RBM19: variants seen among roughly 807,000 people sequenced by gnomAD.
RBM19 encodes the protein probable RNA-binding protein 19.
RBM19 carries 94 observed loss-of-function variants against 116.8 expected under a neutral mutation model. The observed-to-expected ratio is 0.80, with a 90% confidence interval of 0.68 to 0.95. The LOEUF is 0.95. Ranked by LOEUF, RBM19 falls within the 40% of genes least tolerant of loss-of-function variation. RBM19 has a pLI of 0.00. For missense variants in RBM19, 1,161 were observed against 1,220.7 expected (o/e 0.95, Z 0.73); for synonymous variants, 475 against 494.1 (o/e 0.96, Z 0.51).
chr12:113,962,500 G>C, intron 1 of RBM19, 86 bp from the exon 2 acceptor site: 1 of 1,359,172 alleles, frequency 7.4e-7, no homozygotes, highest in Admixed American at 1.9e-5. Context: ...GAGGCCACGA[G>C]ATTCTCCAAG....
At chr12:113,883,583 T>G (rs2135792691) in intron 21 of RBM19, among the ~76,000 whole-genome samples, 1 of 152,386 alleles carries the variant, frequency 6.6e-6, no homozygotes. Flanking sequence ...AACCAGTGAT[T>G]CCACAATAGT....
intron 7 of RBM19, among the ~76,000 whole-genome samples, chr12:113,953,756 T>C (rs1368299205): frequency 1.3e-5 from 2 of 152,260 alleles, no homozygotes; most frequent in Admixed American, 1.3e-4. Context: ...AGAATATTTA[T>C]CTGGAGCAAA....
At chr12:113,944,633 G>A (rs1339454739) in intron 13 of RBM19, among the ~76,000 whole-genome samples, 1 of 151,858 alleles carries the variant, frequency 6.6e-6, no homozygotes, top group Non-Finnish European at 1.5e-5. Context: ...CCCCATCTCT[G>A]CAAAACTAAA....
At chr12:113,946,534 T>A in intron 11 of RBM19, 59 bp from the exon 12 acceptor site, 8 of 1,608,742 alleles carry the variant, frequency 5.0e-6, no homozygotes, top group Non-Finnish European at 6.8e-6. Context: ...CCCTGCTTCC[T>A]GCCGAAGGAT....
At chr12:113,920,475 A>C in intron 19 of RBM19, 136 bp downstream of exon 19, 10 of 793,286 alleles carry the variant, frequency 1.3e-5, no homozygotes, top group East Asian at 4.9e-5. Context: ...ACAGTCCCGT[A>C]GAGATCTGGG....
At chr12:113,840,997 T>C (rs1876423024) in intron 23 of RBM19, among the ~76,000 whole-genome samples, 1 of 152,176 alleles carries the variant, frequency 6.6e-6, no homozygotes, top group Non-Finnish European at 1.5e-5. Context: ...CCCGTGGCAC[T>C]GGGGAAGGGT....
chr12:113,861,700 T>C (rs1488681329), intron 21 of RBM19, among the ~76,000 whole-genome samples: 2 of 151,752 alleles, frequency 1.3e-5, no homozygotes, highest in Non-Finnish European at 2.9e-5. Context: ...AATTAAAAGG[T>C]AGAGAAAAAC....
intron 21 of RBM19, among the ~76,000 whole-genome samples, chr12:113,865,403 A>T (rs575979400): frequency 6.6e-4 from 101 of 152,292 alleles, no homozygotes; most frequent in Non-Finnish European, 1.3e-3. Flanking sequence ...TGCCTGTCAC[A>T]TCTGAGCACT....
At chr12:113,856,715 G>T (rs533872604) in intron 22 of RBM19, among the ~76,000 whole-genome samples, 2 of 152,160 alleles carry the variant, frequency 1.3e-5, no homozygotes, top group Non-Finnish European at 2.9e-5. Flanking sequence ...CAAATAAGAA[G>T]GGGAACACCC....
At position 113,828,236 on chromosome 12, in the gene RBM19, G is replaced by A. The variant is rs1024041896; in HGVS notation, c.2786-4915C>T. 2.0e-5 allele frequency among the ~76,000 whole-genome samples: 3 copies of A among 152,146 alleles called. No individual in the cohort carries two copies. The East Asian group carries it at 5.8e-4, about 29-fold the overall frequency. On this transcript the variant is annotated intron_variant, in intron 23 of 23. Coordinates refer to ENST00000261741, the MANE Select transcript of RBM19 (RefSeq NM_016196.4). ...TCAGTGACTAATGTTCAAAAACAGGGAGATGCTACATAAGAATCTGCACCT... is the reference window on the plus strand; with the variant it reads ...TCAGTGACTAATGTTCAAAAACAGGAAGATGCTACATAAGAATCTGCACCT...
At position 113,831,716 on chromosome 12, in the gene RBM19, G is replaced by C. The variant is rs1256908679; in HGVS notation, c.2786-8395C>G. ...AACAATTTAGCTGGATTGGGAGCAA[G>C]TACCTTCCCCACACGGACAGCCGCT... On this transcript the variant is annotated intron_variant, in intron 23 of 23. Coordinates refer to ENST00000261741, the MANE Select transcript of RBM19 (RefSeq NM_016196.4). Among the ~76,000 whole-genome samples the C allele has an allele frequency of 2.6e-5, 4 of 152,358 alleles. No homozygotes were observed. In the East Asian group the frequency reaches 7.7e-4, roughly 29 times the overall value.
chr12:113,871,551 G>C (rs886383115), intron 21 of RBM19, among the ~76,000 whole-genome samples: 2 of 152,222 alleles, frequency 1.3e-5, no homozygotes, highest in African/African-American at 4.8e-5. Flanking sequence ...TAAATGAGTG[G>C]GTATGGCTAG....
chr12:113,917,795 C>T (rs1318503599), intron 20 of RBM19, among the ~76,000 whole-genome samples: 5 of 152,168 alleles, frequency 3.3e-5, no homozygotes, highest in Admixed American at 6.5e-5. Context: ...GGAGGCACGT[C>T]GGGTGTAATA....
At chr12:113,959,737 CCTCCACCCT>C in intron 4 of RBM19, 119 bp downstream of exon 4, 19 of 1,177,608 alleles carry the variant, frequency 1.6e-5, no homozygotes, top group Non-Finnish European at 2.2e-5. Flanking sequence ...CCTTTCCTAG[CCTCCACCCT>C]CTCCAGCCTC....
At chr12:113,911,264 T>A (rs1183572157) in intron 21 of RBM19, among the ~76,000 whole-genome samples, 1 of 152,140 alleles carries the variant, frequency 6.6e-6, no homozygotes, top group Non-Finnish European at 1.5e-5. Context: ...TTTTGGGGGA[T>A]AAAGGGGAGC....
chr12:113,848,681 C>T (rs1383024900), intron 22 of RBM19, among the ~76,000 whole-genome samples: 1 of 152,148 alleles, frequency 6.6e-6, no homozygotes, highest in African/African-American at 2.4e-5. Flanking sequence ...GGTCCACTAG[C>T]AGCTCCCTCC....
At chr12:113,831,915 G>C (rs1202627996) in intron 23 of RBM19, among the ~76,000 whole-genome samples, 1 of 152,208 alleles carries the variant, frequency 6.6e-6, no homozygotes, top group Non-Finnish European at 1.5e-5. Flanking sequence ...CACTGCTGCA[G>C]GGAGAAGGAT....
chr12:113,851,673 G>A (rs766524289), intron 22 of RBM19, among the ~76,000 whole-genome samples: 1 of 151,880 alleles, frequency 6.6e-6, no homozygotes, highest in African/African-American at 2.4e-5. Context: ...TTAGCCCAAC[G>A]CCTGGCATAA....
chr12:113,872,339 G>A (rs536626322), intron 21 of RBM19, among the ~76,000 whole-genome samples: 29 of 148,846 alleles, frequency 1.9e-4, no homozygotes, highest in East Asian at 1.3e-3. Context: ...CAGCCGCCCC[G>A]TCTGAGAAGT....
Sources: allele counts gnomAD v4.1 joint callset (sites outside exome capture counted in the v4.1 genomes callset), GRCh38; gene constraint gnomAD v4.1.1; transcripts MANE v1.5; gene names NCBI Gene and HGNC (gene_info 2026-07-23, HGNC 2026-07-21).